Variants in MORC1 observed in about 807,000 individuals in gnomAD.
The protein encoded by MORC1 is MORC family CW-type zinc finger 1, also known as MORC family CW-type zinc finger protein 1.
A neutral mutation model predicts 134.9 loss-of-function variants in MORC1; 59 were observed. The ratio of observed to expected loss-of-function variants is 0.44; its 90% CI spans 0.35 to 0.54. The LOEUF is 0.54. Among genes scored for constraint, MORC1 ranks in the 20% least tolerant of loss-of-function variants. The probability of loss-of-function intolerance (pLI) is 0.00; values close to 1 mark genes in which losing one functional copy is unlikely to be tolerated. For synonymous variants in MORC1, 395 were observed against 391.7 expected, an observed-to-expected ratio of 1.01 and a Z score of -0.10; for missense variants, 947 against 1,134.5, an observed-to-expected ratio of 0.83 and a Z score of 2.37.
At chr3:109,081,899 C>G (rs1950527456) in intron 8 of MORC1, among the ~76,000 whole-genome samples, 1 of 152,080 alleles carries the variant, frequency 6.6e-6, no homozygotes, top group South Asian at 2.1e-4. Context: ...TCCTGGGTTC[C>G]CCAGCAGGAG....
At chr3:108,988,848 C>T (rs1444075347) in intron 21 of MORC1, among the ~76,000 whole-genome samples, 1 of 152,046 alleles carries the variant, frequency 6.6e-6, no homozygotes, top group Non-Finnish European at 1.5e-5. Flanking sequence ...TGTTTGTATT[C>T]TATTGTTTAG....
chr3:108,981,150 GGAGGGCAGGTA>G (rs2107448679), intron 23 of MORC1, among the ~76,000 whole-genome samples: 1 of 152,224 alleles, frequency 6.6e-6, no homozygotes, highest in Non-Finnish European at 1.5e-5. Flanking sequence ...ATGGAGCTGG[GGAGGGCAGGTA>G]GAGGTCAGAT....
chr3:108,973,876 G>A (rs368943298), intron 24 of MORC1, among the ~76,000 whole-genome samples: 63 of 152,208 alleles, frequency 4.1e-4, no homozygotes, highest in African/African-American at 1.4e-3. Context: ...GATTACAGTC[G>A]TGAGCCACCG....
chr3:109,095,211 G>A, intron 6 of MORC1, 143 bp from the exon 7 acceptor site: 1 of 723,106 alleles, frequency 1.4e-6, no homozygotes. Flanking sequence ...TAATCTAGTT[G>A]TATAAGAGAC....
intron 14 of MORC1, among the ~76,000 whole-genome samples, chr3:109,036,239 T>C (rs932371025): frequency 3.9e-5 from 6 of 152,192 alleles, no homozygotes; most frequent in Admixed American, 1.3e-4. Context: ...AAATGTAGTG[T>C]TGCATCAAGA....
intron 16 of MORC1, among the ~76,000 whole-genome samples, chr3:109,029,916 G>A (rs1459271829): frequency 6.6e-6 from 1 of 152,132 alleles, no homozygotes; most frequent in Non-Finnish European, 1.5e-5. Flanking sequence ...GAAGAATTCT[G>A]GGCAAGTCAC....
rs549377762 is a variant in MORC1, at chr3:109,063,151, C to T, written c.895+1G>A. ...GATGTAGGCTACAGGTAATCGCATA[C>T]CAATCTTTACTGCTTCTTCTGCCTT... On this transcript the variant is annotated splice_donor_variant, in intron 10 of 27. Transcript: ENST00000232603. LOFTEE classifies it high-confidence loss of function. 2 of 1,587,708 alleles carry T rather than the reference C, an allele frequency of 1.3e-6. No individual in the cohort carries two copies. Among genetic ancestry groups the T allele is most frequent in the East Asian group, 4.5e-5 (2 of 44,616 alleles).
At position 108,982,025 on chromosome 3, in the gene MORC1, T is replaced by A. The variant is rs773738783; in HGVS notation, c.2325-2358A>T. ...CTATACATCTGACAAAGGGCTAATA[T>A]CCAGAATCTACAAAGAACTCAAACA... On this transcript the variant is annotated intron_variant, in intron 23 of 27. Transcript: ENST00000232603. Among the ~76,000 whole-genome samples, 132 of 152,142 alleles carry A rather than the reference T, an allele frequency of 8.7e-4. 1 individual carries two copies. Among genetic ancestry groups the A allele is most frequent in the Non-Finnish European group, 2.9e-4 (20 of 68,030 alleles).
At chr3:109,009,069 G>A (rs1029115574) in intron 17 of MORC1, among the ~76,000 whole-genome samples, 1 of 152,064 alleles carries the variant, frequency 6.6e-6, no homozygotes, top group African/African-American at 2.4e-5. Flanking sequence ...ATTAAATACA[G>A]TCAATGCTTA....
chr3:108,977,644 T>A (rs1947598923), intron 24 of MORC1, among the ~76,000 whole-genome samples: 1 of 152,184 alleles, frequency 6.6e-6, no homozygotes, highest in South Asian at 2.1e-4. Flanking sequence ...CACATGCATA[T>A]AAAATTTACT....
intron 8 of MORC1, among the ~76,000 whole-genome samples, chr3:109,090,633 A>AT (rs1413820550): frequency 2.0e-5 from 3 of 151,588 alleles, no homozygotes; most frequent in Non-Finnish European, 2.9e-5. Flanking sequence ...AAAAAAAAAA[A>AT]AAAAAAAAAC....
At chr3:109,049,244 C>A in intron 14 of MORC1, 1 of 479,842 alleles carries the variant, frequency 2.1e-6, no homozygotes, top group African/African-American at 2.1e-5. Context: ...CAACTAGCTA[C>A]ATCCAGGTAC....
At chr3:108,997,619 G>A (rs1320684608) in intron 21 of MORC1, among the ~76,000 whole-genome samples, 1 of 152,206 alleles carries the variant, frequency 6.6e-6, no homozygotes, top group Admixed American at 6.5e-5. Flanking sequence ...CTCAGTGGGG[G>A]TAGGGAGGGA....
At chr3:109,106,287 G>C (rs1559956158) in intron 3 of MORC1, among the ~76,000 whole-genome samples, 4 of 152,190 alleles carry the variant, frequency 2.6e-5, no homozygotes. Context: ...CCTAGAAGGA[G>C]CTTGCAGAAA....
chr3:109,037,459 T>C (rs1025350748), intron 14 of MORC1, among the ~76,000 whole-genome samples: 6 of 152,258 alleles, frequency 3.9e-5, no homozygotes, highest in Non-Finnish European at 7.3e-5. Flanking sequence ...TTTTTAATTA[T>C]ACTTTAAGTT....
At chr3:108,974,028 A>AT (rs1947476187) in intron 24 of MORC1, among the ~76,000 whole-genome samples, 1 of 151,992 alleles carries the variant, frequency 6.6e-6, no homozygotes, top group African/African-American at 2.4e-5. Context: ...TTTCCTGGCT[A>AT]TTACAGACAC....
At chr3:109,000,693 T>G in intron 20 of MORC1, 35 bp from the exon 21 acceptor site, 1 of 1,497,306 alleles carries the variant, frequency 6.7e-7, no homozygotes, top group Non-Finnish European at 9.2e-7. Context: ...AATACAAGGA[T>G]TAGTGGCAAT....
chr3:109,057,387 G>A lies in MORC1; in HGVS notation c.1131C>T (p.Ile377=), dbSNP rs144305402. 4.7e-5 allele frequency: 75 copies of A among 1,610,752 alleles called. No homozygotes were observed. The highest frequency in any genetic ancestry group is 6.0e-5 in the Non-Finnish European group (71 of 1,178,448). The change falls in exon 13 of 28, where the codon ATC becomes ATT. Residue 377 remains isoleucine (I), a synonymous_variant. Coordinates refer to ENST00000232603, the MANE Select transcript of MORC1 (RefSeq NM_014429.4). The part of the protein sequence containing the change: ...GMFIYSNNRL[I]KMHEKVGSQL... ...GTGAGCCCACTTTTTCATGCATTTT[G>A]ATCAAACGGTTATTACTGTAAATGA...
rs867567747 is a variant in MORC1 at position 109,014,600 on chromosome 3, G to A, written c.1705-7509C>T. Among the ~76,000 whole-genome samples, 22 of 152,302 alleles carry A rather than the reference G, an allele frequency of 1.4e-4. No individual in the cohort carries two copies. The South Asian group carries it at 2.7e-3, about 19-fold the overall frequency. On this transcript the variant is annotated intron_variant, in intron 17 of 27. Coordinates refer to ENST00000232603, the MANE Select transcript of MORC1 (RefSeq NM_014429.4). ...GATACAGCAAAATGGATTTCACAAT[G>A]TATGATTCTCTTAAATTATTTGGGT...
Sources: gnomAD v4.1 joint callset for allele counts (sites outside exome capture counted in the v4.1 genomes callset) on GRCh38, gnomAD v4.1.1 for gene constraint, MANE v1.5 for transcripts, NCBI Gene and HGNC (gene_info 2026-07-23, HGNC 2026-07-21) for gene names.